Variants in CUBN observed in about 807,000 individuals in gnomAD.
CUBN encodes the protein 460 kDa receptor.
In CUBN, 282 loss-of-function variants were observed where a neutral mutation model predicts 405.3. The ratio of observed to expected loss-of-function variants is 0.70; its 90% CI spans 0.63 to 0.77. CUBN has a LOEUF of 0.77. Ranked by LOEUF, CUBN falls within the 30% of genes least tolerant of loss-of-function variation. CUBN has a pLI of 0.00. For missense variants in CUBN, 4,514 were observed against 4,475.2 expected, an observed-to-expected ratio of 1.01 and a Z score of -0.25; for synonymous variants, 1,684 against 1,617.0, an observed-to-expected ratio of 1.04 and a Z score of -0.99.
chr10:16,984,750 G>C (rs1053289828), intron 29 of CUBN, among the ~76,000 whole-genome samples: 2 of 152,208 alleles, frequency 1.3e-5, no homozygotes, highest in African/African-American at 4.8e-5. Context: ...TATGAAAGTT[G>C]AGTTCACTGA....
At chr10:16,943,334 T>C (rs1842707097) in intron 36 of CUBN, among the ~76,000 whole-genome samples, 1 of 152,212 alleles carries the variant, frequency 6.6e-6, no homozygotes, top group African/African-American at 2.4e-5. Context: ...AAGCTATAAC[T>C]GATAATTGAA....
At chr10:17,101,236 C>T (rs914260644) in intron 13 of CUBN, among the ~76,000 whole-genome samples, 4 of 152,136 alleles carry the variant, frequency 2.6e-5, no homozygotes, top group African/African-American at 9.6e-5. Flanking sequence ...CATATTATGT[C>T]CATTATGAGT....
chr10:16,862,142 C>T (rs1021884575), intron 59 of CUBN, among the ~76,000 whole-genome samples: 1 of 111,016 alleles, frequency 9.0e-6, no homozygotes, highest in Non-Finnish European at 1.6e-5. Context: ...AGTGAGACTC[C>T]GTCTCTCTCT....
At chr10:17,017,548 C>G (rs1459081472) in intron 28 of CUBN, among the ~76,000 whole-genome samples, 2 of 152,144 alleles carry the variant, frequency 1.3e-5, no homozygotes. Context: ...AAGAGTGATG[C>G]CTTTTGTCCT....
chr10:16,875,782 A>G (rs1361178781), intron 57 of CUBN, among the ~76,000 whole-genome samples: 1 of 152,250 alleles, frequency 6.6e-6, no homozygotes, highest in Non-Finnish European at 1.5e-5. Context: ...AATATATTGA[A>G]TCTTGACTAC....
chr10:16,960,587 T>C (rs1440467462), intron 31 of CUBN, among the ~76,000 whole-genome samples: 5 of 152,200 alleles, frequency 3.3e-5, no homozygotes, highest in Admixed American at 2.6e-4. Context: ...ACCTGGCACA[T>C]ACAGGCAATA....
intron 15 of CUBN, among the ~76,000 whole-genome samples, chr10:17,087,479 T>C (rs1027736051): frequency 8.7e-6 from 1 of 115,166 alleles, no homozygotes; most frequent in Non-Finnish European, 1.9e-5. Flanking sequence ...TTTCTTTTTT[T>C]TTTTTTTTTT....
chr10:16,825,410 T>C (rs1475610759), intron 66 of CUBN, among the ~76,000 whole-genome samples: 1 of 152,112 alleles, frequency 6.6e-6, no homozygotes, highest in African/African-American at 2.4e-5. Context: ...CTGAATTGTA[T>C]ACTTTAAGGA....
At chr10:16,985,254 A>G (rs530562662) in intron 29 of CUBN, among the ~76,000 whole-genome samples, 10 of 152,332 alleles carry the variant, frequency 6.6e-5, no homozygotes, top group Admixed American at 6.5e-4. Flanking sequence ...AGATGAATAG[A>G]AGAGCAGAGG....
At chr10:17,012,488 A>T (rs1362123814) in intron 28 of CUBN, among the ~76,000 whole-genome samples, 1 of 152,188 alleles carries the variant, frequency 6.6e-6, no homozygotes, top group Non-Finnish European at 1.5e-5. Context: ...CGAAGAGTCT[A>T]TTTGGGATTG....
chr10:17,114,436 CAACA>C (rs1836842197), intron 7 of CUBN, among the ~76,000 whole-genome samples: 1 of 152,030 alleles, frequency 6.6e-6, no homozygotes, highest in Non-Finnish European at 1.5e-5. Flanking sequence ...GAAAGAGTAA[CAACA>C]ATCAAGAACT....
chr10:16,988,019 G>A (rs1833476262), intron 29 of CUBN, among the ~76,000 whole-genome samples: 1 of 152,174 alleles, frequency 6.6e-6, no homozygotes. Flanking sequence ...ATTTCTGTCA[G>A]GCATAGGGCT....
intron 28 of CUBN, among the ~76,000 whole-genome samples, chr10:16,998,008 G>C (rs910042138): frequency 6.6e-6 from 1 of 151,972 alleles, no homozygotes; most frequent in African/African-American, 2.4e-5. Flanking sequence ...ATCACGAGAT[G>C]AAATCAAAGA....
chr10:17,115,672 A>G, intron 6 of CUBN, 75 bp from the exon 7 acceptor site: 1 of 1,515,368 alleles, frequency 6.6e-7, no homozygotes, highest in Non-Finnish European at 9.2e-7. Context: ...ATCAATGAGA[A>G]AAATAATTCA....
chr10:17,008,455 T>TGTGTGTGTGC (rs1834091875), intron 28 of CUBN, among the ~76,000 whole-genome samples: 2 of 148,244 alleles, frequency 1.3e-5, no homozygotes, highest in Non-Finnish European at 3.0e-5. Flanking sequence ...TGTGTGTGTG[T>TGTGTGTGTGC]GTGTGTGTGC....
chr10:17,075,323 A>T (rs1835835849), intron 17 of CUBN, among the ~76,000 whole-genome samples: 1 of 151,810 alleles, frequency 6.6e-6, no homozygotes, highest in South Asian at 2.1e-4. Flanking sequence ...ACCTGAGGTG[A>T]TCTGCCTGCC....
chr10:17,088,250 C>A lies in CUBN; in HGVS notation c.1861G>T (p.Val621Leu). ...GTTACCAGGAGGTCAGGACTAGTTA[C>A]AACAATCCAGACACAATCTCTTCCT... Reference protein sequence around the residue: ...PPGRDCVWIVVTSPDLLVTFT... With the variant: ...PPGRDCVWIVLTSPDLLVTFT... The change falls in exon 15 of 67, where the codon GTA becomes TTA. Residue 621 changes from valine (V) to leucine (L), a missense_variant. Around this residue, in one of 5 missense-constraint regions of CUBN, gnomAD observed 1,448 missense variants for 1,388.0 expected, o/e 1.04. Transcript: ENST00000377833. The A allele has an allele frequency of 1.2e-6, 2 of 1,613,370 alleles. No homozygotes were observed. Among genetic ancestry groups the A allele is most frequent in the Non-Finnish European group, 1.7e-6 (2 of 1,179,358 alleles).
intron 22 of CUBN, among the ~76,000 whole-genome samples, chr10:17,048,277 A>G (rs893976348): frequency 1.3e-5 from 2 of 152,278 alleles, no homozygotes; most frequent in East Asian, 3.8e-4. Context: ...TAAGGAAGAC[A>G]TTAGGTCATT....
At chr10:17,029,363 A>G (rs1834740305) in intron 27 of CUBN, among the ~76,000 whole-genome samples, 1 of 152,220 alleles carries the variant, frequency 6.6e-6, no homozygotes, top group African/African-American at 2.4e-5. Context: ...ATTTTTTATA[A>G]CTAAAAAATC....
Sources: gnomAD v4.1 joint callset for allele counts (sites outside exome capture counted in the v4.1 genomes callset) on GRCh38, gnomAD v4.1.1 for gene constraint, gnomAD v4.1.1 regional missense constraint, MANE v1.5 for transcripts, NCBI Gene and HGNC (gene_info 2026-07-23, HGNC 2026-07-21) for gene names.